Variants in RUNX2 observed in about 807,000 individuals in gnomAD.
The protein encoded by RUNX2 is runt-related transcription factor 2.
Under a neutral mutation model 51.7 loss-of-function variants are expected in RUNX2, and 10 were observed. That is an observed-to-expected ratio of 0.19 (90% confidence interval 0.12 to 0.33). The LOEUF (loss-of-function observed/expected upper bound fraction) is 0.33, where lower values mean the gene tolerates loss of function less well. Ranked by LOEUF, RUNX2 falls within the 10% of genes least tolerant of loss-of-function variation. The probability of loss-of-function intolerance (pLI) is 1.00; values close to 1 mark genes in which losing one functional copy is unlikely to be tolerated. For missense variants in RUNX2, 562 were observed against 691.3 expected (o/e 0.81, Z 2.10); for synonymous variants, 276 against 273.6 (o/e 1.01, Z -0.09).
intron 6 of RUNX2, among the ~76,000 whole-genome samples, chr6:45,506,169 C>T (rs1800961280): frequency 6.6e-6 from 1 of 152,138 alleles, no homozygotes; most frequent in Admixed American, 6.5e-5. Flanking sequence ...GCCCTGGGGA[C>T]CCCTTTCTTC....
At position 45,524,523 on chromosome 6, in the gene RUNX2, G is replaced by A. The variant is rs147248288; in HGVS notation, c.1021+12116G>A. On this transcript the variant is annotated intron_variant, in intron 7 of 8. Transcript: ENST00000647337. ...TGTGGTAATTAGTAACAATGCTATA[G>A]TTGATGGAATAAAAATAACACATAT... 4.9e-3 allele frequency among the ~76,000 whole-genome samples: 742 copies of A among 152,200 alleles called. 8 individuals carry two copies. The highest frequency in any genetic ancestry group is 0.017 in the African/African-American group (707 of 41,514).
intron 7 of RUNX2, among the ~76,000 whole-genome samples, chr6:45,544,356 T>G (rs957041452): frequency 6.6e-6 from 1 of 152,038 alleles, no homozygotes; most frequent in Admixed American, 6.6e-5. Flanking sequence ...GCAAAATGTA[T>G]CAGGTAAAAT....
Position 45,364,353 on chromosome 6 carries a change from C to T in RUNX2, c.58+35569C>T, listed in dbSNP as rs755587616. ...TTTAACAGTAATCATCACATAGTGA[C>T]GTTAATTCAACTATGAAGGCTATCA... is the stretch of plus-strand genomic sequence containing the variant. On this transcript the variant is annotated intron_variant, in intron 2 of 8. Coordinates refer to ENST00000647337, the MANE Select transcript of RUNX2 (RefSeq NM_001024630.4). Among the ~76,000 whole-genome samples, 8 of 152,214 alleles carry T rather than the reference C, an allele frequency of 5.3e-5. No homozygotes were observed. The East Asian group carries it at 1.2e-3, about 22-fold the overall frequency.
intron 2 of RUNX2, among the ~76,000 whole-genome samples, chr6:45,333,781 T>C (rs1429242744): frequency 6.6e-6 from 1 of 151,340 alleles, no homozygotes; most frequent in Non-Finnish European, 1.5e-5. Context: ...TTGTTATTCA[T>C]GCACTTCCTC....
At chr6:45,335,345 A>T (rs1788344021) in intron 2 of RUNX2, among the ~76,000 whole-genome samples, 1 of 151,216 alleles carries the variant, frequency 6.6e-6, no homozygotes, top group African/African-American at 2.4e-5. Flanking sequence ...CATGACATTT[A>T]TTTTACTATG....
intron 2 of RUNX2, among the ~76,000 whole-genome samples, chr6:45,337,434 C>A (rs1383781726): frequency 2.6e-5 from 4 of 151,640 alleles, no homozygotes; most frequent in Non-Finnish European, 5.9e-5. Context: ...TCAATATATA[C>A]AAGGGTTACT....
At chr6:45,380,810 T>A (rs1216712686) in intron 2 of RUNX2, among the ~76,000 whole-genome samples, 1 of 152,108 alleles carries the variant, frequency 6.6e-6, no homozygotes, top group Non-Finnish European at 1.5e-5. Flanking sequence ...CTCCTGACCT[T>A]GTGATCTGCC....
intron 5 of RUNX2, among the ~76,000 whole-genome samples, chr6:45,485,693 G>GTATATA (rs1257977356): frequency 1.5e-4 from 15 of 101,874 alleles, no homozygotes; most frequent in African/African-American, 5.6e-4. Flanking sequence ...GTGTGTGTGT[G>GTATATA]TGTGTATATA....
rs1191064002 is a variant in RUNX2 at position 45,548,897 on chromosome 6, A to G, written c.*1592A>G. ...TTTGCATTTAGAGGAGCAGAATGAC[A>G]TCACTGTCCTTTGGGAGTAGGTCCT... On this transcript the variant is annotated 3_prime_UTR_variant, in exon 9 of 9. Transcript: ENST00000647337. 18 of 368,592 alleles carry G rather than the reference A, an allele frequency of 4.9e-5. No individual in the cohort carries two copies. Among genetic ancestry groups the G allele is most frequent in the Non-Finnish European group, 7.7e-5 (16 of 207,102 alleles). 22.8% of individuals were successfully genotyped at this position (368,592 alleles called of 1,614,324 possible).
chr6:45,343,770 T>C (rs1790303642), intron 2 of RUNX2, among the ~76,000 whole-genome samples: 1 of 152,186 alleles, frequency 6.6e-6, no homozygotes, highest in Non-Finnish European at 1.5e-5. Flanking sequence ...CCAGTAGCTC[T>C]GATGTAACAC....
chr6:45,495,447 C>T (rs945773280), intron 6 of RUNX2, among the ~76,000 whole-genome samples: 2 of 152,168 alleles, frequency 1.3e-5, no homozygotes, highest in African/African-American at 4.8e-5. Flanking sequence ...TTAAACTGTT[C>T]GGTTTTATTC....
At chr6:45,345,599 C>T (rs1790692497) in intron 2 of RUNX2, among the ~76,000 whole-genome samples, 2 of 152,142 alleles carry the variant, frequency 1.3e-5, no homozygotes, top group South Asian at 4.1e-4. Context: ...ATCCCCAAGA[C>T]CTAACAATCT....
At chr6:45,533,705 G>A (rs1467247805) in intron 7 of RUNX2, among the ~76,000 whole-genome samples, 1 of 152,098 alleles carries the variant, frequency 6.6e-6, no homozygotes, top group Admixed American at 6.5e-5. Context: ...TAACAACAAA[G>A]AGAAAGAAAT....
rs75851846 is a variant in RUNX2 at position 45,376,923 on chromosome 6, C to G, written c.59-45670C>G. Among the ~76,000 whole-genome samples, 246 of 151,812 alleles carry G rather than the reference C, an allele frequency of 1.6e-3. 2 individuals carry two copies. Among genetic ancestry groups the G allele is most frequent in the African/African-American group, 5.6e-3 (232 of 41,130 alleles). On this transcript the variant is annotated intron_variant, in intron 2 of 8. Coordinates refer to ENST00000647337, the MANE Select transcript of RUNX2 (RefSeq NM_001024630.4). ...TATACATATATATACACACACATTT[C>G]TTTCTACCGAAATAACTTAACATTT...
intron 4 of RUNX2, among the ~76,000 whole-genome samples, chr6:45,433,456 C>G (rs957890165): frequency 1.3e-5 from 2 of 151,814 alleles, no homozygotes; most frequent in African/African-American, 2.4e-5. Flanking sequence ...TACCTGTATG[C>G]TCTGAATTGC....
At chr6:45,406,266 T>G (rs1246714203) in intron 2 of RUNX2, among the ~76,000 whole-genome samples, 1 of 152,186 alleles carries the variant, frequency 6.6e-6, no homozygotes, top group Admixed American at 6.5e-5. Context: ...TCCCTCTGTC[T>G]GGACGACTAC....
At chr6:45,480,582 C>T (rs1800084011) in intron 5 of RUNX2, among the ~76,000 whole-genome samples, 1 of 152,176 alleles carries the variant, frequency 6.6e-6, no homozygotes, top group Non-Finnish European at 1.5e-5. Flanking sequence ...CAGCTGAAAG[C>T]GTTCACTGGT....
chr6:45,442,531 T>A (rs1798871085), intron 5 of RUNX2, among the ~76,000 whole-genome samples: 1 of 152,212 alleles, frequency 6.6e-6, no homozygotes. Context: ...TCTATAGAAG[T>A]GGTTCAGAGT....
rs563772449 is a variant in RUNX2 at position 45,492,043 on chromosome 6, C to T, written c.788C>T (p.Pro263Leu). Residue 263 changes from proline to leucine, a missense_variant, in exon 6 of 9, where the codon CCT becomes CTT. This residue lies in a region of RUNX2 where 304 missense variants were observed against 353.2 expected (regional missense o/e 0.86). Coordinates refer to ENST00000647337, the MANE Select transcript of RUNX2 (RefSeq NM_001024630.4). ...CCCAGTATGAGAGTAGGTGTCCCGC[C>T]TCAGAACCCACGGCCCTCCCTGAAC... ...PHPSMRVGVP[P>L]QNPRPSLNSA... 1.4e-5 allele frequency: 23 copies of T among 1,613,944 alleles called. No individual in the cohort carries two copies. In the Middle Eastern group the frequency reaches 6.6e-4, roughly 46 times the overall value.
Sources: allele counts gnomAD v4.1 joint callset (sites outside exome capture counted in the v4.1 genomes callset), GRCh38; gene constraint gnomAD v4.1.1; regional missense constraint gnomAD v4.1.1; transcripts MANE v1.5; gene names NCBI Gene and HGNC (gene_info 2026-07-23, HGNC 2026-07-21).